The following CHRD variants were observed in gnomAD, a reference collection of about 807,000 sequenced individuals.
CHRD encodes the protein chordin.
A neutral mutation model predicts 113.7 loss-of-function variants in CHRD; 69 were observed. The ratio of observed to expected loss-of-function variants is 0.61; its 90% confidence interval spans 0.50 to 0.74. The LOEUF (loss-of-function observed/expected upper bound fraction) is 0.74. Ranked by LOEUF, CHRD falls within the 30% of genes least tolerant of loss-of-function variation. CHRD has a pLI of 0.00. For missense variants in CHRD, 1,194 were observed against 1,295.8 expected, an observed-to-expected ratio of 0.92 and a Z score of 1.21; for synonymous variants, 561 against 540.8, an observed-to-expected ratio of 1.04 and a Z score of -0.52.
Position 184,387,441 on chromosome 3 carries a change from CT to C in CHRD, c.2418del (p.Phe806LeufsTer3). The C allele has an allele frequency of 6.2e-7, 1 of 1,612,610 alleles. No homozygotes were observed. The highest frequency in any genetic ancestry group is 1.3e-5 in the African/African-American group (1 of 74,958). ...CGCGGTGGCACCCCGTTGTGCCCCC[CT>C]TTGGCTTAATTAAGTGTGCTGTCTG... is the stretch of plus-strand genomic sequence containing the variant. On this transcript the variant is annotated frameshift_variant, in exon 19 of 23. Coordinates refer to ENST00000204604, the Ensembl canonical transcript of CHRD. LOFTEE classifies it high-confidence loss of function. The surrounding 1 kb of genome is among the most constrained non-coding windows in gnomAD (Gnocchi z 6.1).
In CHRD at chr3:184,388,593, C is replaced by T. The variant is rs867362534; in HGVS notation, c.2561C>T (p.Ser854Leu). 1.2e-5 allele frequency: 19 copies of T among 1,609,784 alleles called. No homozygotes were observed. Among genetic ancestry groups the T allele is most frequent in the Middle Eastern group, 1.6e-4 (1 of 6,080 alleles). ...TCTCTTTCCCTCTCAACAGTGGGGT[C>T]GGGGGCCCACCCCCAGCTGGGGGAC... is the stretch of plus-strand genomic sequence containing the variant. Residue 854 changes from serine to leucine, a missense_variant, in exon 21 of 23, where the codon TCG becomes TTG. By Grantham distance (145) the Ser-to-Leu change is moderately radical. Coordinates refer to ENST00000204604, the Ensembl canonical transcript of CHRD. The surrounding 1 kb of genome is among the most constrained non-coding windows in gnomAD (Gnocchi z 6.1).
chr3:184,381,882 G>A lies in CHRD; in HGVS notation c.612-51G>A, dbSNP rs1715498640. 9.3e-6 allele frequency: 15 copies of A among 1,612,432 alleles called. No homozygotes were observed. The highest frequency in any genetic ancestry group is 1.2e-5 in the Non-Finnish European group (14 of 1,179,294). ...CCCGGGAGGGAAACTGGGAGAGCTG[G>A]GAGGGGCTGCTTTTGGCTCAGTCCG... On this transcript the variant is annotated intron_variant, in intron 5 of 22. Coordinates refer to ENST00000204604, the Ensembl canonical transcript of CHRD. This position sits in a 1 kb window ranked among gnomAD's most constrained non-coding sequence, Gnocchi z 4.7.
chr3:184,384,685 G>A lies in CHRD; in HGVS notation c.1589G>A (p.Arg530His), dbSNP rs745397410. The A allele has an allele frequency of 1.0e-5, 16 of 1,562,312 alleles. No individual in the cohort carries two copies. Among genetic ancestry groups the A allele is most frequent in the African/African-American group, 1.4e-5 (1 of 73,248 alleles). ...CTGCCCTACTGTGGGCATAGCGCCCGCCATGACAGTGAGTGTCCTTAGGGG... is the reference window on the plus strand; with the variant it reads ...CTGCCCTACTGTGGGCATAGCGCCCACCATGACAGTGAGTGTCCTTAGGGG... Residue 530 changes from arginine (R) to histidine (H), a missense_variant, in exon 13 of 23, where the codon CGC (arginine) becomes CAC (histidine). By Grantham distance (29) the Arg-to-His change is conservative (BLOSUM62 0). Transcript: ENST00000204604. The surrounding 1 kb of genome is among the most constrained non-coding windows in gnomAD (Gnocchi z 4.4).
rs770766344 is a variant in CHRD, at chr3:184,383,268, G to A, written c.1214-44G>A. 1.7e-5 allele frequency: 27 copies of A among 1,595,898 alleles called. No homozygotes were observed. The African/African-American group carries it at 2.4e-4, about 14-fold the overall frequency. On this transcript the variant is annotated intron_variant, in intron 10 of 22. Transcript: ENST00000204604. ...GATCCTGTGGACTGGGGGTGTAAGCGGCCATGGGGTAAACCTAGCCTCACC... is the reference window on the plus strand; with the variant it reads ...GATCCTGTGGACTGGGGGTGTAAGCAGCCATGGGGTAAACCTAGCCTCACC...
rs769092393 is a variant in CHRD at position 184,380,815 on chromosome 3, G to T, written c.252+20G>T. On this transcript the variant is annotated intron_variant, in intron 2 of 22. Transcript: ENST00000204604. The surrounding 1 kb of genome is among the most constrained non-coding windows in gnomAD (Gnocchi z 6.3). ...GAGGCGGTGAGTGCACCCCGCGGCC[G>T]GCCCGGGCCCTGGCGGGTGGGGAGC... is the stretch of plus-strand genomic sequence containing the variant. The T allele has an allele frequency of 5.8e-6, 9 of 1,552,044 alleles. No homozygotes were observed. The South Asian group carries it at 8.4e-5, about 14-fold the overall frequency.
Position 184,382,664 on chromosome 3 carries a change from G to GC in CHRD, c.878dup (p.Gln294ThrfsTer14). ...TTCAGTGCCATCCTGACTCTAGAAG[G>GC]CCCCCCACAGCAGGGCGTAGGGGGC... On this transcript the variant is annotated frameshift_variant, in exon 8 of 23. Transcript: ENST00000204604. LOFTEE classifies it high-confidence loss of function. 6.2e-7 allele frequency: 1 copy of GC among 1,613,488 alleles called. No homozygotes were observed.
chr3:184,380,449 C>A lies in CHRD; in HGVS notation c.131C>A (p.Pro44His). The A allele has an allele frequency of 8.1e-7, 1 of 1,232,340 alleles. No individual in the cohort carries two copies. Among genetic ancestry groups the A allele is most frequent in the Non-Finnish European group, 1.0e-6 (1 of 982,788 alleles). 76.3% of individuals were successfully genotyped at this position (1,232,340 alleles called of 1,614,324 possible). Reference sequence around the variant, plus strand: ...ATCCGTTCTGAGAAGGAGCCGCTGCCCGTTCGGGGAGCGGCAGGTAGGTGG... The same window carrying A: ...ATCCGTTCTGAGAAGGAGCCGCTGCACGTTCGGGGAGCGGCAGGTAGGTGG... Residue 44 changes from proline (P) to histidine (H), a missense_variant, in exon 1 of 23, where the codon CCC becomes CAC. Pro to His is a moderately conservative substitution (Grantham distance 77, BLOSUM62 -2). Transcript: ENST00000204604. The surrounding 1 kb of genome is among the most constrained non-coding windows in gnomAD (Gnocchi z 6.3).
Position 184,381,569 on chromosome 3 carries a change from T to A in CHRD, c.456T>A (p.Tyr152Ter). 6.2e-7 allele frequency: 1 copy of A among 1,608,914 alleles called. No homozygotes were observed. Among genetic ancestry groups the A allele is most frequent in the Non-Finnish European group, 8.5e-7 (1 of 1,177,980 alleles). The change falls in exon 4 of 23, where the codon TAT (tyrosine) becomes TAA (stop). Residue 152 changes from tyrosine (Y) to a stop codon, truncating the protein, a stop_gained. Transcript: ENST00000204604. LOFTEE classifies it high-confidence loss of function. This position sits in a 1 kb window ranked among gnomAD's most constrained non-coding sequence, Gnocchi z 4.7. ...CGCGGGACCCGGAGCATCGCAGTTA[T>A]AGCGACCGCGGGGAGCCAGGCGCTG...
In CHRD at chr3:184,389,652, C is replaced by T. The variant is rs1255774948; in HGVS notation, c.*230C>T. ...CAAGTCCTGCCCTGCCACCCTCGGC[C>T]TCTGTCCTGGAAGCCCCACCCCTTT... is the stretch of plus-strand genomic sequence containing the variant. On this transcript the variant is annotated 3_prime_UTR_variant, in exon 23 of 23. Coordinates refer to ENST00000204604, the Ensembl canonical transcript of CHRD. The T allele has an allele frequency of 9.1e-5, 50 of 549,186 alleles. No homozygotes were observed. The Admixed American group carries it at 1.5e-3, about 17-fold the overall frequency. 34.0% of individuals were successfully genotyped at this position (549,186 alleles called of 1,614,324 possible). A position where few individuals can be genotyped will look rare whatever the true frequency, so the allele number is the denominator to read the frequency against.
In CHRD at chr3:184,387,930, G is replaced by T. The variant is rs1313657546; in HGVS notation, c.2452-1G>T. Reference sequence around the variant, plus strand: ...ACTCCTTGCTCAATGGATCCCTACAGGGGGGCACTGGAGAGGTGCACTGTG... The same window carrying T: ...ACTCCTTGCTCAATGGATCCCTACATGGGGGCACTGGAGAGGTGCACTGTG... On this transcript the variant is annotated splice_acceptor_variant, in intron 19 of 22. Transcript: ENST00000204604. LOFTEE classifies it high-confidence loss of function. This position sits in a 1 kb window ranked among gnomAD's most constrained non-coding sequence, Gnocchi z 6.1. 6.2e-7 allele frequency: 1 copy of T among 1,610,256 alleles called. No individual in the cohort carries two copies.
In CHRD at chr3:184,388,855, T is replaced by A; in HGVS notation, c.2710-38T>A. The A allele has an allele frequency of 6.2e-7, 1 of 1,600,100 alleles. No homozygotes were observed. Among genetic ancestry groups the A allele is most frequent in the Non-Finnish European group, 8.6e-7 (1 of 1,168,238 alleles). ...CTGAAGGTCACTGTGTCCCAGTGCC[T>A]CTGGGGGACACTCAGTGTCTGCTCT... On this transcript the variant is annotated intron_variant, in intron 21 of 22. Transcript: ENST00000204604. This position sits in a 1 kb window ranked among gnomAD's most constrained non-coding sequence, Gnocchi z 6.1.
Position 184,382,841 on chromosome 3 carries a change from T to C in CHRD, c.983-15T>C. ...AGCACCTGTCTCAGAAAGGCCCACATGTGCGGCCTTGCAGGACTAACCCAG... is the reference window on the plus strand; with the variant it reads ...AGCACCTGTCTCAGAAAGGCCCACACGTGCGGCCTTGCAGGACTAACCCAG... On this transcript the variant is annotated splice_polypyrimidine_tract_variant and intron_variant, in intron 8 of 22. Transcript: ENST00000204604. The C allele has an allele frequency of 6.2e-7, 1 of 1,612,656 alleles. No homozygotes were observed.
rs757943830 is a variant in CHRD at position 184,388,281 on chromosome 3, ATCCG to A, written c.2554+252_2554+255del. Among the ~76,000 whole-genome samples, 74 of 136,742 alleles carry A rather than the reference ATCCG, an allele frequency of 5.4e-4. No individual in the cohort carries two copies. The highest frequency in any genetic ancestry group is 1.9e-3 in the African/African-American group (66 of 34,462). The allele number at this position is 136,742 out of a possible 152,430, so 89.7% of individuals were successfully genotyped here. On this transcript the variant is annotated intron_variant, in intron 20 of 22. Transcript: ENST00000204604. The surrounding 1 kb of genome is among the most constrained non-coding windows in gnomAD (Gnocchi z 6.1). Reference sequence around the variant, plus strand: ...CATCCATCCATCCATCCATCCATCCATCCGTCCATTCATCTATCTATCCACCCAT... The same window carrying A: ...CATCCATCCATCCATCCATCCATCCATCCATTCATCTATCTATCCACCCAT...
chr3:184,389,281 G>T, intron 22 of CHRD, 86 bp from the exon 23 acceptor site: 1 of 1,289,084 alleles, frequency 7.8e-7, no homozygotes, highest in South Asian at 1.3e-5. Context: ...GACCAAGGCA[G>T]GGATGCTTTG....
chr3:184,385,270 A>G, intron 14 of CHRD, 32 bp downstream of exon 14: 1 of 1,556,660 alleles, frequency 6.4e-7, no homozygotes. Flanking sequence ...GCAGCTTGGA[A>G]CATTTCTGTT....
Position 184,380,383 on chromosome 3 carries a change from G to A in CHRD, c.65G>A (p.Arg22Gln). ...CTCGGGCTGCTGCTGCTCGGCTCCCGGCCGGCCCGCGGCGCCGGCCCAGAG... is the reference window on the plus strand; with the variant it reads ...CTCGGGCTGCTGCTGCTCGGCTCCCAGCCGGCCCGCGGCGCCGGCCCAGAG... Residue 22 changes from arginine to glutamine, a missense_variant, in exon 1 of 23, where the codon CGG (arginine) becomes CAG (glutamine). Coordinates refer to ENST00000204604, the Ensembl canonical transcript of CHRD. This position sits in a 1 kb window ranked among gnomAD's most constrained non-coding sequence, Gnocchi z 6.3. 1.5e-6 allele frequency: 2 copies of A among 1,339,682 alleles called. No homozygotes were observed. Among genetic ancestry groups the A allele is most frequent in the Non-Finnish European group, 9.7e-7 (1 of 1,035,530 alleles). 83.0% of individuals were successfully genotyped at this position (1,339,682 alleles called of 1,614,324 possible).
At chr3:184,386,671 A>G (rs1388859171) in exon 16 of CHRD, 4 of 1,612,240 alleles carry the variant, frequency 2.5e-6, no homozygotes, top group African/African-American at 2.7e-5. Context: ...ACCCCAACAC[A>G]TGCTTCTTCG....
chr3:184,382,233 A>T (rs1193074847), intron 6 of CHRD, 156 bp from the exon 7 acceptor site: 25 of 1,295,736 alleles, frequency 1.9e-5, no homozygotes, highest in Non-Finnish European at 2.6e-5. Context: ...CAGGATTGGA[A>T]CCCAAGCATC....
rs773478686 is a variant in CHRD at position 184,383,426 on chromosome 3, C to A, written c.1320+8C>A. 14 of 1,613,480 alleles carry A rather than the reference C, an allele frequency of 8.7e-6. No homozygotes were observed. In the South Asian group the frequency reaches 1.5e-4, roughly 18 times the overall value. On this transcript the variant is annotated splice_region_variant and intron_variant, in intron 11 of 22. Transcript: ENST00000204604. ...GGCTCCCTGATCTATCAGGTAAGAG[C>A]CAGGGGCTGCAGAAGGTGGGGGAGG...
Sources: allele counts gnomAD v4.1 joint callset (sites outside exome capture counted in the v4.1 genomes callset), GRCh38; gene constraint gnomAD v4.1.1; non-coding constraint Gnocchi (gnomAD v3.1); transcripts MANE v1.5; gene names NCBI Gene and HGNC (gene_info 2026-07-23, HGNC 2026-07-21).